Variants in KIF6 observed in about 807,000 individuals in gnomAD.
The protein encoded by KIF6 is kinesin family member 6.
Under a neutral mutation model 112.7 loss-of-function variants are expected in KIF6, and 106 were observed. That is an observed-to-expected ratio of 0.94 (90% CI 0.80 to 1.11). KIF6 has a LOEUF of 1.11. KIF6 is among the 50% of genes least tolerant of loss of function. The pLI is 0.00. For synonymous variants in KIF6, 339 were observed against 339.9 expected (o/e 1.00, Z 0.03); for missense variants, 929 against 964.0 (o/e 0.96, Z 0.48).
At chr6:39,680,901 C>G (rs1187363581) in intron 3 of KIF6, among the ~76,000 whole-genome samples, 1 of 152,088 alleles carries the variant, frequency 6.6e-6, no homozygotes, top group East Asian at 1.9e-4. Context: ...GAATAAAACA[C>G]AGTGCTTGTC....
intron 14 of KIF6, among the ~76,000 whole-genome samples, chr6:39,426,080 C>A (rs1468330679): frequency 1.3e-5 from 2 of 152,178 alleles, no homozygotes; most frequent in African/African-American, 4.8e-5. Flanking sequence ...GAATGGGACT[C>A]TGAGACTGAT....
intron 3 of KIF6, among the ~76,000 whole-genome samples, chr6:39,683,118 G>A (rs189832117): frequency 3.9e-5 from 6 of 152,324 alleles, no homozygotes; most frequent in Admixed American, 3.9e-4. Flanking sequence ...TACAAACAAG[G>A]TATAGTCTGA....
intron 7 of KIF6, among the ~76,000 whole-genome samples, chr6:39,592,998 A>G (rs1367462542): frequency 2.0e-5 from 3 of 152,108 alleles, no homozygotes; most frequent in Admixed American, 2.0e-4. Context: ...GAGAGAGGGG[A>G]TAGGGATATA....
At chr6:39,609,252 G>A (rs1188998565) in intron 6 of KIF6, among the ~76,000 whole-genome samples, 1 of 152,130 alleles carries the variant, frequency 6.6e-6, no homozygotes, top group Admixed American at 6.5e-5. Flanking sequence ...AGGAAGCCAG[G>A]CGGAAAGAAA....
intron 16 of KIF6, among the ~76,000 whole-genome samples, chr6:39,377,750 G>GCC (rs1554203364): frequency 1.3e-5 from 2 of 152,166 alleles, no homozygotes; most frequent in Non-Finnish European, 2.9e-5. Flanking sequence ...TCTCCAACCC[G>GCC]TAAGGCCCTT....
chr6:39,724,891 A>C (rs1182622786), intron 1 of KIF6, among the ~76,000 whole-genome samples: 4 of 152,188 alleles, frequency 2.6e-5, no homozygotes, highest in Non-Finnish European at 5.9e-5. Flanking sequence ...TGAGTTTCCC[A>C]GAAAGGTGCA....
At position 39,340,459 on chromosome 6, in the gene KIF6, G is replaced by C. The variant is rs554537679; in HGVS notation, c.2428+3250C>G. ...AAGACAGTGTGGCCCAGTGGGGAGA[G>C]AGCAGAAAACCTGGGTTATGCTGGC... On this transcript the variant is annotated intron_variant, in intron 22 of 22. Transcript: ENST00000287152. 1.7e-4 allele frequency among the ~76,000 whole-genome samples: 26 copies of C among 152,246 alleles called. 1 individual carries two copies. Among genetic ancestry groups the C allele is most frequent in the Non-Finnish European group, 3.2e-4 (22 of 68,010 alleles).
chr6:39,467,813 A>C (rs1020635836), intron 13 of KIF6, among the ~76,000 whole-genome samples: 5 of 152,230 alleles, frequency 3.3e-5, no homozygotes, highest in Non-Finnish European at 7.3e-5. Context: ...CTGCCTATGA[A>C]AGGGCATATA....
At chr6:39,512,661 C>T (rs1034125975) in intron 13 of KIF6, among the ~76,000 whole-genome samples, 32 of 152,162 alleles carry the variant, frequency 2.1e-4, no homozygotes, top group Non-Finnish European at 4.6e-4. Context: ...TAATTGCTTT[C>T]ATTTCCCATC....
intron 13 of KIF6, among the ~76,000 whole-genome samples, chr6:39,518,545 A>G (rs1400172799): frequency 6.6e-6 from 1 of 152,242 alleles, no homozygotes; most frequent in African/African-American, 2.4e-5. Flanking sequence ...TGAAATATGA[A>G]GTACTATACT....
intron 13 of KIF6, among the ~76,000 whole-genome samples, chr6:39,536,619 C>T (rs929918252): frequency 2.6e-5 from 4 of 152,030 alleles, no homozygotes; most frequent in Admixed American, 2.0e-4. Flanking sequence ...GATTCACAGC[C>T]GAATTCTACC....
intron 13 of KIF6, among the ~76,000 whole-genome samples, chr6:39,513,743 T>G (rs79346743): frequency 0.073 from 11,167 of 152,234 alleles, 485 homozygotes; most frequent in Middle Eastern, 0.15. Flanking sequence ...CCCCTGGCAT[T>G]GCAACATGCC....
chr6:39,378,798 G>T lies in KIF6; in HGVS notation c.1861+6824C>A, dbSNP rs77606291. 0.028 allele frequency among the ~76,000 whole-genome samples: 4,240 copies of T among 152,280 alleles called. 191 individuals carry two copies. The highest frequency in any genetic ancestry group is 0.095 in the African/African-American group (3,954 of 41,526). ...CCCTGATCAAATATTGCTTAGAAGA[G>T]ATATTTGAGAGAGAGGCCACAGCCC... On this transcript the variant is annotated intron_variant, in intron 16 of 22. Coordinates refer to ENST00000287152, the MANE Select transcript of KIF6 (RefSeq NM_145027.6). This position sits in a 1 kb window ranked among gnomAD's most constrained non-coding sequence, Gnocchi z 5.0.
chr6:39,429,251 C>T (rs1217992667), intron 14 of KIF6, among the ~76,000 whole-genome samples: 1 of 152,190 alleles, frequency 6.6e-6, no homozygotes, highest in Non-Finnish European at 1.5e-5. Context: ...CCTTCTTTCC[C>T]ATTCCCTGTG....
intron 14 of KIF6, among the ~76,000 whole-genome samples, chr6:39,428,358 A>T (rs972410782): frequency 6.6e-6 from 1 of 152,238 alleles, no homozygotes; most frequent in African/African-American, 2.4e-5. Flanking sequence ...GCTTATCTTC[A>T]GACAGACAAG....
chr6:39,482,365 G>GTTCTC (rs1394152698), intron 13 of KIF6, among the ~76,000 whole-genome samples: 2 of 152,178 alleles, frequency 1.3e-5, no homozygotes, highest in Non-Finnish European at 2.9e-5. Flanking sequence ...GAAGAGCTGT[G>GTTCTC]AGGACACTTG....
chr6:39,499,254 G>T (rs1775967773), intron 13 of KIF6, among the ~76,000 whole-genome samples: 2 of 152,130 alleles, frequency 1.3e-5, no homozygotes, highest in Non-Finnish European at 2.9e-5. Context: ...ACTTGTCATA[G>T]CCTGGAGGTG....
intron 4 of KIF6, among the ~76,000 whole-genome samples, chr6:39,639,200 TG>T (rs1784783112): frequency 6.6e-6 from 1 of 152,128 alleles, no homozygotes; most frequent in Non-Finnish European, 1.5e-5. Flanking sequence ...TAAATTCCTC[TG>T]GGCTTCTATC....
At chr6:39,374,715 G>T (rs977608955) in intron 16 of KIF6, among the ~76,000 whole-genome samples, 10 of 152,128 alleles carry the variant, frequency 6.6e-5, no homozygotes, top group African/African-American at 1.9e-4. Flanking sequence ...TAAGAAAGAT[G>T]AAAGATAAGT....
Sources: gnomAD v4.1 joint callset for allele counts (sites outside exome capture counted in the v4.1 genomes callset) on GRCh38, gnomAD v4.1.1 for gene constraint, Gnocchi (gnomAD v3.1) non-coding constraint, MANE v1.5 for transcripts, NCBI Gene and HGNC (gene_info 2026-07-23, HGNC 2026-07-21) for gene names.